ARHGEF28: variants seen among roughly 807,000 people sequenced by gnomAD.
ARHGEF28 encodes the protein 190 kDa guanine nucleotide exchange factor.
ARHGEF28 carries 152 observed loss-of-function variants against 206.6 expected under a neutral mutation model. That is an observed-to-expected ratio of 0.74 (90% CI 0.64 to 0.84). ARHGEF28 has a LOEUF of 0.84. ARHGEF28 is among the 40% of genes least tolerant of loss of function. The probability of loss-of-function intolerance (pLI) is 0.00; values close to 1 mark genes in which losing one functional copy is unlikely to be tolerated. For missense variants in ARHGEF28, 2,028 were observed against 2,073.2 expected, an observed-to-expected ratio of 0.98 and a Z score of 0.42; for synonymous variants, 763 against 776.4, an observed-to-expected ratio of 0.98 and a Z score of 0.29.
intron 1 of ARHGEF28, among the ~76,000 whole-genome samples, chr5:73,638,843 T>TTAA (rs1211862801): frequency 6.6e-6 from 1 of 152,240 alleles, no homozygotes; most frequent in Non-Finnish European, 1.5e-5. Context: ...AATAATTTCC[T>TTAA]TAACATTTTT....
chr5:73,767,593 C>T (rs559413525), intron 4 of ARHGEF28, among the ~76,000 whole-genome samples: 15 of 152,146 alleles, frequency 9.9e-5, no homozygotes, highest in South Asian at 6.2e-4. Context: ...GGGCATCTGG[C>T]GGAAGAAATT....
intron 35 of ARHGEF28, among the ~76,000 whole-genome samples, chr5:73,920,311 A>G (rs1763446855): frequency 6.6e-6 from 1 of 152,220 alleles, no homozygotes; most frequent in Non-Finnish European, 1.5e-5. Flanking sequence ...GATTCCTAGT[A>G]GTAGACTTAA....
In ARHGEF28 at chr5:73,872,998, G is replaced by T. The variant is rs2112643679; in HGVS notation, c.2567-1G>T. On this transcript the variant is annotated splice_acceptor_variant, in intron 21 of 35. Transcript: ENST00000513042. LOFTEE classifies it high-confidence loss of function. ...GGCTTATGTGTGCTCACACATTTCA[G>T]AGCTAATGCAAACAGAGATGCATCA... is the stretch of plus-strand genomic sequence containing the variant. The T allele has an allele frequency of 6.2e-7, 1 of 1,613,380 alleles. No individual in the cohort carries two copies. Among genetic ancestry groups the T allele is most frequent in the South Asian group, 1.1e-5 (1 of 90,990 alleles).
chr5:73,818,978 G>A (rs1042785885), intron 9 of ARHGEF28, among the ~76,000 whole-genome samples: 5 of 152,162 alleles, frequency 3.3e-5, no homozygotes, highest in African/African-American at 1.2e-4. Flanking sequence ...CCATAGGAGA[G>A]ATCAGGAAAA....
At chr5:73,841,425 G>T (rs1200564629) in intron 11 of ARHGEF28, among the ~76,000 whole-genome samples, 2 of 152,130 alleles carry the variant, frequency 1.3e-5, no homozygotes, top group African/African-American at 4.8e-5. Context: ...AAAACAAGAG[G>T]CCTGGCGTGG....
chr5:73,670,359 G>C (rs779525085), intron 1 of ARHGEF28, among the ~76,000 whole-genome samples: 1 of 152,140 alleles, frequency 6.6e-6, no homozygotes, highest in Non-Finnish European at 1.5e-5. Flanking sequence ...AGTATACATT[G>C]CTCTGGTTTC....
At chr5:73,890,629 T>C (rs963990188) in intron 26 of ARHGEF28, among the ~76,000 whole-genome samples, 2 of 152,180 alleles carry the variant, frequency 1.3e-5, no homozygotes, top group Non-Finnish European at 2.9e-5. Flanking sequence ...GGAGGTACTC[T>C]GGGTCACCAT....
chr5:73,725,430 T>C (rs944164964), intron 2 of ARHGEF28, among the ~76,000 whole-genome samples: 8 of 152,222 alleles, frequency 5.3e-5, no homozygotes, highest in African/African-American at 1.9e-4. Flanking sequence ...GAATAGAATG[T>C]TGGTCCACTG....
intron 2 of ARHGEF28, among the ~76,000 whole-genome samples, chr5:73,743,713 C>T (rs893121314): frequency 1.3e-5 from 2 of 152,176 alleles, no homozygotes; most frequent in Non-Finnish European, 2.9e-5. Context: ...GTGTACTCTT[C>T]TCAGAATCTG....
At chr5:73,821,535 G>A (rs985469847) in intron 9 of ARHGEF28, among the ~76,000 whole-genome samples, 42 of 152,120 alleles carry the variant, frequency 2.8e-4, no homozygotes, top group African/African-American at 8.2e-4. Context: ...TGACTTATTC[G>A]TAGAGTTCTT....
chr5:73,669,811 C>T lies in ARHGEF28; in HGVS notation c.-11-15030C>T, dbSNP rs547039914. ...AAGCAATTCTGGTGACTCAGCCTCC[C>T]GAGTAGCTGGGATTACAAGCATGCA... On this transcript the variant is annotated intron_variant, in intron 1 of 35. Transcript: ENST00000513042. Among the ~76,000 whole-genome samples the T allele has an allele frequency of 7.9e-5, 12 of 152,254 alleles. No individual in the cohort carries two copies. In the South Asian group the frequency reaches 1.2e-3, roughly 16 times the overall value.
intron 9 of ARHGEF28, among the ~76,000 whole-genome samples, chr5:73,806,381 G>GTAT (rs1554065481): frequency 8.7e-6 from 1 of 115,280 alleles, no homozygotes; most frequent in Non-Finnish European, 1.7e-5. Flanking sequence ...ACTATATATA[G>GTAT]ATATATAGAT....
rs35411118 is a variant in ARHGEF28, at chr5:73,835,469, C to CAAA, written c.1146+3023_1146+3025dup. On this transcript the variant is annotated intron_variant, in intron 10 of 35. Transcript: ENST00000513042. Reference sequence around the variant, plus strand: ...TGGGTGACAGAGCAAGACTCTGTCTCAAAAAAAAAAAAAAACCCAAAAGGA... The same window carrying CAAA: ...TGGGTGACAGAGCAAGACTCTGTCTCAAAAAAAAAAAAAAAAAACCCAAAAGGA... Among the ~76,000 whole-genome samples, 154 of 102,576 alleles carry CAAA rather than the reference C, an allele frequency of 1.5e-3. 3 individuals are homozygous for CAAA. In the East Asian group the frequency reaches 0.036, roughly 24 times the overall value. 67.3% of individuals were successfully genotyped at this position (102,576 alleles called of 152,430 possible).
intron 35 of ARHGEF28, among the ~76,000 whole-genome samples, chr5:73,923,860 A>C (rs1418209091): frequency 3.0e-4 from 46 of 152,228 alleles, no homozygotes; most frequent in Admixed American, 3.0e-3. Flanking sequence ...TAACCCAGAA[A>C]AAAACACTAG....
At chr5:73,633,152 G>A (rs961405222) in intron 1 of ARHGEF28, among the ~76,000 whole-genome samples, 1 of 152,100 alleles carries the variant, frequency 6.6e-6, no homozygotes, top group African/African-American at 2.4e-5. Flanking sequence ...CGGACGGGAG[G>A]TGGAGCTCAG....
intron 26 of ARHGEF28, among the ~76,000 whole-genome samples, chr5:73,890,171 A>G (rs934917602): frequency 1.3e-5 from 2 of 152,296 alleles, no homozygotes; most frequent in South Asian, 2.1e-4. Flanking sequence ...ACAGGTTCCC[A>G]TGCCCCCTGG....
At chr5:73,796,104 T>C (rs1399332806) in intron 9 of ARHGEF28, among the ~76,000 whole-genome samples, 1 of 152,164 alleles carries the variant, frequency 6.6e-6, no homozygotes, top group African/African-American at 2.4e-5. Context: ...CCCTATCTCT[T>C]GAGTTACTTA....
intron 1 of ARHGEF28, among the ~76,000 whole-genome samples, chr5:73,674,587 A>C (rs1746539351): frequency 6.6e-6 from 1 of 152,116 alleles, no homozygotes; most frequent in African/African-American, 2.4e-5. Context: ...GAATCTCCCA[A>C]ATGATGTATT....
chr5:73,641,939 A>G (rs928468153), intron 1 of ARHGEF28, among the ~76,000 whole-genome samples: 4 of 152,214 alleles, frequency 2.6e-5, no homozygotes, highest in East Asian at 1.9e-4. Context: ...TCCTGCAACA[A>G]TGTTACTATT....
Sources: gnomAD v4.1 joint callset for allele counts (sites outside exome capture counted in the v4.1 genomes callset) on GRCh38, gnomAD v4.1.1 for gene constraint, MANE v1.5 for transcripts, NCBI Gene and HGNC (gene_info 2026-07-23, HGNC 2026-07-21) for gene names.